Variants in DNAH1 observed in about 807,000 individuals in gnomAD.
The protein encoded by DNAH1 is axonemal beta dynein heavy chain 1.
In DNAH1, 327 loss-of-function variants were observed where a neutral mutation model predicts 484.3. That is an observed-to-expected ratio of 0.68 (90% CI 0.62 to 0.74). The LOEUF (loss-of-function observed/expected upper bound fraction) is 0.74, where lower values mean the gene tolerates loss of function less well. Ranked by LOEUF, DNAH1 falls within the 30% of genes least tolerant of loss-of-function variation. The pLI is 0.00. For missense variants in DNAH1, 5,052 were observed against 5,546.8 expected (o/e 0.91, Z 2.83); for synonymous variants, 2,192 against 2,191.9 (o/e 1.00, Z 0.00).
Position 52,390,920 on chromosome 3 carries a change from C to T in DNAH1, c.9622-15C>T, listed in dbSNP as rs1264651046. The T allele has an allele frequency of 6.4e-7, 1 of 1,551,562 alleles. No homozygotes were observed. The highest frequency in any genetic ancestry group is 2.0e-5 in the Admixed American group (1 of 51,004). On this transcript the variant is annotated splice_polypyrimidine_tract_variant and intron_variant, in intron 60 of 77. Transcript: ENST00000420323. ...AGGAAAGCTCTGACCCAGTCCAGTGCCTGGCTCTCCACAGATCGCTGGCCT... is the reference window on the plus strand; with the variant it reads ...AGGAAAGCTCTGACCCAGTCCAGTGTCTGGCTCTCCACAGATCGCTGGCCT...
rs764273319 is a variant in DNAH1, at chr3:52,386,277, G to A, written c.8743G>A (p.Glu2915Lys). 5.6e-6 allele frequency: 9 copies of A among 1,609,660 alleles called. No homozygotes were observed. The highest frequency in any genetic ancestry group is 2.2e-5 in the East Asian group (1 of 44,678). Reference protein sequence around the residue: ...IADDAQKDLDEALPALDAALA... With the variant: ...IADDAQKDLDKALPALDAALA... ...TGACGATGCCCAGAAGGACCTGGAC[G>A]AGGCGTTGCCAGCCCTGGATGCGGC... The change falls in exon 55 of 78, where the codon GAG becomes AAG. Residue 2915 changes from glutamate to lysine, a missense_variant. Transcript: ENST00000420323.
intron 22 of DNAH1, among the ~76,000 whole-genome samples, chr3:52,357,040 GT>G (rs1389887896): frequency 2.4e-4 from 24 of 100,980 alleles, no homozygotes; most frequent in Admixed American, 1.4e-3. Flanking sequence ...TTTTTTTTTT[GT>G]TTTTTTTTTT....
In DNAH1 at chr3:52,395,319, G is replaced by A. The variant is rs780701146; in HGVS notation, c.10980G>A (p.Leu3660=). The A allele has an allele frequency of 1.9e-6, 3 of 1,613,484 alleles. No individual in the cohort carries two copies. Among genetic ancestry groups the A allele is most frequent in the East Asian group, 2.2e-5 (1 of 44,878 alleles). The part of the protein sequence containing the change: ...PRFIEPQTAN[L]SVVFKDSNST... Reference sequence around the variant, plus strand: ...CCCTGCCCTTGCAGACAGCCAATCTGTCAGTGGTGTTCAAAGACTCCAACT... The same window carrying A: ...CCCTGCCCTTGCAGACAGCCAATCTATCAGTGGTGTTCAAAGACTCCAACT... Residue 3660 remains leucine, a synonymous_variant, in exon 69 of 78, where the codon CTG becomes CTA. Transcript: ENST00000420323. The surrounding 1 kb of genome is among the most constrained non-coding windows in gnomAD (Gnocchi z 4.4).
chr3:52,367,003 C>T (rs180990515), intron 36 of DNAH1, 116 bp downstream of exon 36: 138 of 1,278,944 alleles, frequency 1.1e-4, no homozygotes, highest in Admixed American at 9.5e-4. Flanking sequence ...TGCAGCCCAA[C>T]GCTTGGGATT....
intron 8 of DNAH1, among the ~76,000 whole-genome samples, chr3:52,340,658 C>T (rs1227143763): frequency 6.6e-6 from 1 of 151,630 alleles, no homozygotes; most frequent in Non-Finnish European, 1.5e-5. Flanking sequence ...TGGTCTTGAA[C>T]TCCTGACCTC....
intron 75 of DNAH1, among the ~76,000 whole-genome samples, chr3:52,398,602 T>G (rs1324143260): frequency 6.6e-6 from 1 of 152,190 alleles, no homozygotes; most frequent in East Asian, 1.9e-4. Context: ...CAGCCATATT[T>G]TTATTATTCA....
chr3:52,361,470 G>A lies in DNAH1; in HGVS notation c.4874+118G>A. The A allele has an allele frequency of 7.6e-7, 1 of 1,319,914 alleles. No homozygotes were observed. The allele number at this position is 1,319,914 out of a possible 1,614,324, so 81.8% of individuals were successfully genotyped here. A position where few individuals can be genotyped will look rare whatever the true frequency, so the allele number is the denominator to read the frequency against. On this transcript the variant is annotated intron_variant, in intron 29 of 77. Coordinates refer to ENST00000420323, the MANE Select transcript of DNAH1 (RefSeq NM_015512.5). The surrounding 1 kb of genome is among the most constrained non-coding windows in gnomAD (Gnocchi z 5.6). The stretch of plus-strand genomic sequence containing the variant: ...TCGAAGGATGGTGGAGGGGACAGAA[G>A]GGGGTAATAGGCATCACGGCTTGGT...
Position 52,361,837 on chromosome 3 carries a change from A to G in DNAH1, c.4980+71A>G, listed in dbSNP as rs1702874450. The G allele has an allele frequency of 2.7e-6, 4 of 1,483,080 alleles. No homozygotes were observed. The East Asian group carries it at 7.4e-5, about 28-fold the overall frequency. 91.9% of individuals were successfully genotyped at this position (1,483,080 alleles called of 1,614,324 possible). ...ACGCCGCCATACTGCTCCCCATTGC[A>G]GGCTGAGAAGCCAGGCGCTAAGGTC... On this transcript the variant is annotated intron_variant, in intron 30 of 77. Coordinates refer to ENST00000420323, the MANE Select transcript of DNAH1 (RefSeq NM_015512.5). The surrounding 1 kb of genome is among the most constrained non-coding windows in gnomAD (Gnocchi z 5.6).
At position 52,370,554 on chromosome 3, in the gene DNAH1, C is replaced by A; in HGVS notation, c.6336C>A (p.Ile2112=). 1 of 1,613,956 alleles carries A rather than the reference C, an allele frequency of 6.2e-7. No individual in the cohort carries two copies. Among genetic ancestry groups the A allele is most frequent in the East Asian group, 2.2e-5 (1 of 44,886 alleles). ...AGCCCTGGTTCATCTTCTCCCTGAT[C>A]TGGAGCGTGGGTGCCACTGGGGACA... ...LIEPWFIFSL[I]WSVGATGDSS... The change falls in exon 40 of 78, where the codon ATC becomes ATA. Residue 2112 remains isoleucine, a synonymous_variant. Transcript: ENST00000420323.
In DNAH1 at chr3:52,355,477, C is replaced by A. The variant is rs1231689553; in HGVS notation, c.3693+422C>A. Among the ~76,000 whole-genome samples, 2 of 152,248 alleles carry A rather than the reference C, an allele frequency of 1.3e-5. No homozygotes were observed. Among genetic ancestry groups the A allele is most frequent in the Non-Finnish European group, 2.9e-5 (2 of 68,038 alleles). On this transcript the variant is annotated intron_variant, in intron 21 of 77. Coordinates refer to ENST00000420323, the MANE Select transcript of DNAH1 (RefSeq NM_015512.5). The surrounding 1 kb of genome is among the most constrained non-coding windows in gnomAD (Gnocchi z 4.5). Reference sequence around the variant, plus strand: ...CTGTCCTGAGCTTCTGTTCTCATCTCATTTGGAGCTACCTTGGTTGAGGGG... The same window carrying A: ...CTGTCCTGAGCTTCTGTTCTCATCTAATTTGGAGCTACCTTGGTTGAGGGG...
intron 22 of DNAH1, among the ~76,000 whole-genome samples, chr3:52,357,025 T>TG (rs1359605318): frequency 5.4e-5 from 8 of 149,168 alleles, no homozygotes; most frequent in Non-Finnish European, 1.2e-4. Context: ...TTTGTTTGTC[T>TG]GTTTTTTTTT....
upstream of DNAH1, among the ~76,000 whole-genome samples, chr3:52,312,083 C>T (rs1433187401): frequency 2.6e-5 from 4 of 152,196 alleles, no homozygotes; most frequent in African/African-American, 9.6e-5. Flanking sequence ...GCTGGGGAAC[C>T]AGGAGGGATA....
rs79069992 is a variant in DNAH1, at chr3:52,366,219, C to T, written c.5519-238C>T. Among the ~76,000 whole-genome samples, 1,516 of 152,322 alleles carry T rather than the reference C, an allele frequency of 1.0e-2. 86 individuals are homozygous for T. The East Asian group carries it at 0.19, about 19-fold the overall frequency. On this transcript the variant is annotated intron_variant, in intron 34 of 77. Coordinates refer to ENST00000420323, the MANE Select transcript of DNAH1 (RefSeq NM_015512.5). ...CACCTGACCAATGGCTGTGAAGGAA[C>T]GGTAGTCACAGTGGAAAGAATGGCT...
At position 52,368,959 on chromosome 3, in the gene DNAH1, G is replaced by T; in HGVS notation, c.5943+41G>T. 6.2e-7 allele frequency: 1 copy of T among 1,600,664 alleles called. No individual in the cohort carries two copies. Among genetic ancestry groups the T allele is most frequent in the East Asian group, 2.2e-5 (1 of 44,500 alleles). On this transcript the variant is annotated intron_variant, in intron 37 of 77. Coordinates refer to ENST00000420323, the MANE Select transcript of DNAH1 (RefSeq NM_015512.5). The surrounding 1 kb of genome is among the most constrained non-coding windows in gnomAD (Gnocchi z 4.4). ...CACCTGCCCACTCTCCTCCAAGGCTGGGTGGGCCTGGAGGCTGCATCATGC... is the reference window on the plus strand; with the variant it reads ...CACCTGCCCACTCTCCTCCAAGGCTTGGTGGGCCTGGAGGCTGCATCATGC...
intron 5 of DNAH1, 66 bp downstream of exon 5, chr3:52,326,957 A>G (rs1206085750): frequency 1.3e-6 from 2 of 1,533,772 alleles, no homozygotes; most frequent in South Asian, 1.2e-5. Context: ...GTGGACGCTC[A>G]GGAGTCAGAT....
At position 52,388,118 on chromosome 3, in the gene DNAH1, C is replaced by G. The variant is rs1039924788; in HGVS notation, c.9004-49C>G. 5.1e-6 allele frequency: 8 copies of G among 1,575,604 alleles called. No homozygotes were observed. In the African/African-American group the frequency reaches 8.1e-5, roughly 16 times the overall value. On this transcript the variant is annotated intron_variant, in intron 56 of 77. Coordinates refer to ENST00000420323, the MANE Select transcript of DNAH1 (RefSeq NM_015512.5). The stretch of plus-strand genomic sequence containing the variant: ...CCCACATCCCAGCAGAGCCCTTCCC[C>G]TGTCACCCTTGAGAAGCAGCCTCTT...
chr3:52,312,628 G>A (rs185427063), upstream of DNAH1, among the ~76,000 whole-genome samples: 256 of 151,844 alleles, frequency 1.7e-3, no homozygotes, highest in African/African-American at 5.9e-3. Context: ...GTGCCACCAC[G>A]TCTGGCTAAT....
intron 8 of DNAH1, among the ~76,000 whole-genome samples, chr3:52,342,178 G>A (rs1336485427): frequency 1.3e-5 from 2 of 152,224 alleles, no homozygotes; most frequent in Non-Finnish European, 2.9e-5. Context: ...CAAGTTTGTG[G>A]TACTTGAGGA....
In DNAH1 at chr3:52,361,276, A is replaced by G. The variant is rs2153224368; in HGVS notation, c.4798A>G (p.Ile1600Val). The change falls in exon 29 of 78, where the codon ATA (isoleucine) becomes GTA (valine). Residue 1600 changes from isoleucine (I) to valine (V), a missense_variant. Ile to Val is a conservative substitution (Grantham distance 29). Coordinates refer to ENST00000420323, the MANE Select transcript of DNAH1 (RefSeq NM_015512.5). This position sits in a 1 kb window ranked among gnomAD's most constrained non-coding sequence, Gnocchi z 5.6. ...TTKDLGKALA[I>V]QTVVFNCSDQ... ...CAAAGACCTGGGTAAGGCCTTGGCC[A>G]TACAGACCGTTGTGTTCAACTGCTC... 1 of 1,612,204 alleles carries G rather than the reference A, an allele frequency of 6.2e-7. No homozygotes were observed. The highest frequency in any genetic ancestry group is 8.5e-7 in the Non-Finnish European group (1 of 1,179,338).
Sources: gnomAD v4.1 joint callset for allele counts (sites outside exome capture counted in the v4.1 genomes callset) on GRCh38, gnomAD v4.1.1 for gene constraint, Gnocchi (gnomAD v3.1) non-coding constraint, MANE v1.5 for transcripts, NCBI Gene and HGNC (gene_info 2026-07-23, HGNC 2026-07-21) for gene names.